Variants in ELAVL2 observed in about 807,000 individuals in gnomAD.
ELAVL2 encodes the protein ELAV-like protein 2.
A neutral mutation model predicts 34.6 loss-of-function variants in ELAVL2; 4 were observed. The observed-to-expected ratio is 0.12, with a 90% confidence interval of 0.06 to 0.26. The LOEUF is 0.26. Ranked by LOEUF, ELAVL2 falls within the 10% of genes least tolerant of loss-of-function variation. The pLI is 1.00. For missense variants in ELAVL2, 432 were observed against 442.8 expected, an observed-to-expected ratio of 0.98 and a Z score of 0.22; for synonymous variants, 193 against 154.8, an observed-to-expected ratio of 1.25 and a Z score of -1.83.
Position 23,773,725 on chromosome 9 carries a change from T to C in ELAVL2, c.-15-11476A>G, listed in dbSNP as rs911021440. 2.0e-5 allele frequency among the ~76,000 whole-genome samples: 3 copies of C among 152,176 alleles called. 1 individual carries two copies. Among genetic ancestry groups the C allele is most frequent in the East Asian group, 1.9e-4 (1 of 5,192 alleles). ...CTCAAATCACAAAAGCATTAGCCTT[T>C]GAATTATTTCCACTCTAGGAAGGAA... On this transcript the variant is annotated intron_variant, in intron 1 of 6. Coordinates refer to ENST00000397312, the MANE Select transcript of ELAVL2 (RefSeq NM_004432.5).
intron 1 of ELAVL2, among the ~76,000 whole-genome samples, chr9:23,780,014 AAAAAAAAAAAAAAAAAAAAAC>A (rs1265710769): frequency 3.1e-4 from 29 of 92,104 alleles, no homozygotes; most frequent in African/African-American, 1.2e-3. Flanking sequence ...AAAAAAAAAA[AAAAAAAAAAAAAAAAAAAAAC>A]TTCATGAACT....
At chr9:23,696,574 T>C (rs145153196) in intron 5 of ELAVL2, among the ~76,000 whole-genome samples, 113 of 152,254 alleles carry the variant, frequency 7.4e-4, no homozygotes, top group African/African-American at 2.6e-3. Context: ...GTTCACACCA[T>C]TCTCTGGCCC....
At chr9:23,850,099 A>C in the ELAVL2 span, among the ~76,000 whole-genome samples, 5 of 146,656 alleles carry the variant, frequency 3.4e-5, no homozygotes, top group East Asian at 1.1e-3. Flanking sequence ...GGTTCAGAAC[A>C]TACCGGGGAG....
At chr9:23,811,673 T>C (rs3793600) in intron 1 of ELAVL2, among the ~76,000 whole-genome samples, 6,575 of 152,300 alleles carry the variant, frequency 0.043, 237 homozygotes, top group East Asian at 0.11. Context: ...TGGCACATAA[T>C]GTTGTCAACA....
chr9:23,733,879 C>G (rs922704130), intron 2 of ELAVL2, among the ~76,000 whole-genome samples: 1 of 152,090 alleles, frequency 6.6e-6, no homozygotes, highest in Non-Finnish European at 1.5e-5. Context: ...GGGTCTTCCA[C>G]CTGATACCCT....
chr9:23,752,645 G>A (rs771518178), intron 2 of ELAVL2, among the ~76,000 whole-genome samples: 21 of 152,040 alleles, frequency 1.4e-4, no homozygotes, highest in Non-Finnish European at 2.6e-4. Flanking sequence ...AGTAGAGACG[G>A]GGTTTCACCA....
chr9:23,844,124 A>G, the ELAVL2 span, among the ~76,000 whole-genome samples: 1 of 152,086 alleles, frequency 6.6e-6, no homozygotes, highest in African/African-American at 2.4e-5. Flanking sequence ...CTTCCTGAAT[A>G]CCACACTAAA....
chr9:23,786,781 C>CAAAAAAAA (rs57292061), intron 1 of ELAVL2, among the ~76,000 whole-genome samples: 4 of 108,144 alleles, frequency 3.7e-5, no homozygotes, highest in Non-Finnish European at 5.7e-5. Flanking sequence ...ATTTTAGTGG[C>CAAAAAAAA]AAAAAAAAAA....
intron 1 of ELAVL2, among the ~76,000 whole-genome samples, chr9:23,804,075 G>A (rs2137773548): frequency 6.6e-6 from 1 of 152,234 alleles, no homozygotes; most frequent in South Asian, 2.1e-4. Context: ...GAAGTAATTA[G>A]TAATTCTATT....
chr9:23,698,499 A>G (rs908403755), intron 5 of ELAVL2, among the ~76,000 whole-genome samples: 1 of 152,216 alleles, frequency 6.6e-6, no homozygotes, highest in African/African-American at 2.4e-5. Context: ...ATTCTTGACC[A>G]TAATACATAT....
chr9:23,812,550 G>A (rs1166902432), intron 1 of ELAVL2, among the ~76,000 whole-genome samples: 2 of 151,956 alleles, frequency 1.3e-5, no homozygotes, highest in Non-Finnish European at 2.9e-5. Flanking sequence ...AGATGCTGCA[G>A]GGAGCATCAA....
the ELAVL2 span, among the ~76,000 whole-genome samples, chr9:23,837,919 T>C: frequency 6.6e-6 from 1 of 152,204 alleles, no homozygotes; most frequent in African/African-American, 2.4e-5. Context: ...AGGTCAAATA[T>C]AATAGGATTT....
chr9:23,818,806 A>G (rs2064105135), intron 1 of ELAVL2, among the ~76,000 whole-genome samples: 1 of 152,246 alleles, frequency 6.6e-6, no homozygotes, highest in African/African-American at 2.4e-5. Flanking sequence ...AAAAAGGGGA[A>G]TGGTAAAGTC....
chr9:23,764,890 T>A, intron 1 of ELAVL2: 1 of 1,036,010 alleles, frequency 9.7e-7, no homozygotes, highest in Non-Finnish European at 1.4e-6. Flanking sequence ...CCACAATAGG[T>A]TAAATGTAAG....
intron 1 of ELAVL2, among the ~76,000 whole-genome samples, chr9:23,765,660 T>C (rs2056077596): frequency 6.6e-6 from 1 of 152,188 alleles, no homozygotes; most frequent in Admixed American, 6.5e-5. Flanking sequence ...TGAGGTTATT[T>C]TGCCACTACA....
chr9:23,709,507 G>A (rs1345240744), intron 3 of ELAVL2, among the ~76,000 whole-genome samples: 1 of 151,772 alleles, frequency 6.6e-6, no homozygotes, highest in African/African-American at 2.4e-5. Context: ...TGCACCTACA[G>A]AATCATACAG....
the ELAVL2 span, among the ~76,000 whole-genome samples, chr9:23,835,670 G>C: frequency 3.6e-4 from 54 of 151,998 alleles, no homozygotes; most frequent in Admixed American, 3.5e-3. Flanking sequence ...ACTAAAACTT[G>C]CTTATGGTTT....
At chr9:23,741,684 G>A (rs1394305255) in intron 2 of ELAVL2, among the ~76,000 whole-genome samples, 2 of 152,116 alleles carry the variant, frequency 1.3e-5, no homozygotes, top group Non-Finnish European at 2.9e-5. Flanking sequence ...CTGAGCCAAA[G>A]TCAAGATAAT....
intron 1 of ELAVL2, among the ~76,000 whole-genome samples, chr9:23,800,696 G>T (rs2061473511): frequency 6.6e-6 from 1 of 152,134 alleles, no homozygotes; most frequent in Non-Finnish European, 1.5e-5. Context: ...TACAAAATTA[G>T]AAAATTTGAC....
Sources: gnomAD v4.1 joint callset for allele counts (sites outside exome capture counted in the v4.1 genomes callset) on GRCh38, gnomAD v4.1.1 for gene constraint, MANE v1.5 for transcripts, NCBI Gene and HGNC (gene_info 2026-07-23, HGNC 2026-07-21) for gene names.